The following NELL2 variants were observed in gnomAD, a reference collection of about 807,000 sequenced individuals.
NELL2 encodes the protein neural EGFL like 2, also known as protein kinase C-binding protein NELL2.
NELL2 carries 41 observed loss-of-function variants against 109.6 expected under a neutral mutation model. The ratio of observed to expected loss-of-function variants is 0.37; its 90% CI spans 0.29 to 0.49. The LOEUF (loss-of-function observed/expected upper bound fraction) is 0.49. Ranked by LOEUF, NELL2 falls within the 20% of genes least tolerant of loss-of-function variation. The probability of loss-of-function intolerance (pLI) is 0.98; values close to 1 mark genes in which losing one functional copy is unlikely to be tolerated. For missense variants in NELL2, 900 were observed against 1,008.3 expected (o/e 0.89, Z 1.45); for synonymous variants, 355 against 344.7 (o/e 1.03, Z -0.33).
chr12:44,603,006 A>C (rs1238944560), intron 15 of NELL2, among the ~76,000 whole-genome samples: 1 of 152,166 alleles, frequency 6.6e-6, no homozygotes, highest in East Asian at 1.9e-4. Context: ...ACCTCAATCC[A>C]TTTGAAGTTA....
Position 44,742,975 on chromosome 12 carries a change from G to A in NELL2, c.995-28234C>T, listed in dbSNP as rs369098024. On this transcript the variant is annotated intron_variant, in intron 9 of 19. Coordinates refer to ENST00000429094, the MANE Select transcript of NELL2 (RefSeq NM_001145108.2). ...ACGCCACAAAGATACTTCTTGAGAA[G>A]AGCAACACCAAGACACGTAATTGTC... 2.6e-5 allele frequency among the ~76,000 whole-genome samples: 4 copies of A among 152,214 alleles called. 1 individual carries two copies. Among genetic ancestry groups the A allele is most frequent in the African/African-American group, 9.6e-5 (4 of 41,538 alleles).
chr12:44,735,823 T>C (rs567081486), intron 9 of NELL2, among the ~76,000 whole-genome samples: 1 of 152,064 alleles, frequency 6.6e-6, no homozygotes, highest in Non-Finnish European at 1.5e-5. Flanking sequence ...TTCAGAAGAA[T>C]GTGGTTCAAA....
At chr12:44,515,008 T>C (rs1389385150) in intron 19 of NELL2, among the ~76,000 whole-genome samples, 1 of 150,866 alleles carries the variant, frequency 6.6e-6, no homozygotes, top group Non-Finnish European at 1.5e-5. Context: ...TAGTTTAAAA[T>C]CCAATAGAAC....
At chr12:44,777,877 T>C (rs1460660100) in intron 5 of NELL2, among the ~76,000 whole-genome samples, 1 of 152,208 alleles carries the variant, frequency 6.6e-6, no homozygotes, top group Non-Finnish European at 1.5e-5. Flanking sequence ...ACAGAAAGTT[T>C]AAAATGAAAA....
Position 44,607,356 on chromosome 12 carries a change from T to A in NELL2, c.1568-92A>T, listed in dbSNP as rs551613538. The A allele has an allele frequency of 3.2e-5, 28 of 875,794 alleles. No individual in the cohort carries two copies. The African/African-American group carries it at 3.8e-4, about 12-fold the overall frequency. 54.3% of individuals were successfully genotyped at this position (875,794 alleles called of 1,614,324 possible). On this transcript the variant is annotated intron_variant, in intron 14 of 19. Transcript: ENST00000429094. Reference sequence around the variant, plus strand: ...GCTTTTCATTATCCCCTTGGAGATGTAAACATCAAATTATAAAAGCTATTT... The same window carrying A: ...GCTTTTCATTATCCCCTTGGAGATGAAAACATCAAATTATAAAAGCTATTT...
intron 13 of NELL2, among the ~76,000 whole-genome samples, chr12:44,619,417 C>T (rs1945961001): frequency 6.6e-6 from 1 of 152,166 alleles, no homozygotes; most frequent in Non-Finnish European, 1.5e-5. Context: ...TTTAGGAAAA[C>T]TAATCTAACA....
At chr12:44,851,360 G>A (rs1415779127) in intron 2 of NELL2, among the ~76,000 whole-genome samples, 1 of 152,126 alleles carries the variant, frequency 6.6e-6, no homozygotes, top group African/African-American at 2.4e-5. Context: ...GAATTTAACA[G>A]TCATTTCTAT....
chr12:44,598,343 A>G (rs559284362), intron 15 of NELL2, among the ~76,000 whole-genome samples: 5 of 152,284 alleles, frequency 3.3e-5, no homozygotes, highest in African/African-American at 9.6e-5. Flanking sequence ...GAAGAAGTAC[A>G]GACTCTGGGA....
chr12:44,574,867 C>T (rs190085252), intron 15 of NELL2, among the ~76,000 whole-genome samples: 57 of 152,264 alleles, frequency 3.7e-4, no homozygotes, highest in African/African-American at 1.3e-3. Context: ...AAAATCACAA[C>T]CTCAAATGCA....
In NELL2 at chr12:44,891,010, G is replaced by A. The variant is rs79084667; in HGVS notation, c.39-15110C>T. Among the ~76,000 whole-genome samples, 955 of 152,252 alleles carry A rather than the reference G, an allele frequency of 6.3e-3. 12 individuals are homozygous for A. The highest frequency in any genetic ancestry group is 0.021 in the African/African-American group (883 of 41,542). ...ATCCCCAAGTTCTAGGACTACAGGC[G>A]TAAGCCACCGCACCCAGCAGGGTTC... is the stretch of plus-strand genomic sequence containing the variant. On this transcript the variant is annotated intron_variant, in intron 1 of 20. Coordinates refer to the NELL2 transcript ENST00000333837.
chr12:44,612,783 C>G (rs1230393574), intron 13 of NELL2, among the ~76,000 whole-genome samples: 2 of 152,032 alleles, frequency 1.3e-5, no homozygotes, highest in Admixed American at 6.6e-5. Context: ...TAAAACAGAG[C>G]TGCTGATTGA....
chr12:44,611,723 A>T (rs1399376780), intron 13 of NELL2, among the ~76,000 whole-genome samples: 1 of 152,042 alleles, frequency 6.6e-6, no homozygotes, highest in Non-Finnish European at 1.5e-5. Flanking sequence ...AAGGTGACTC[A>T]ACGGTGGCTC....
At chr12:44,907,568 G>A (rs1205137918) in intron 1 of NELL2, among the ~76,000 whole-genome samples, 1 of 152,042 alleles carries the variant, frequency 6.6e-6, no homozygotes, top group African/African-American at 2.4e-5. Flanking sequence ...TGAAATGGTT[G>A]AAGATAAAAT....
intron 15 of NELL2, among the ~76,000 whole-genome samples, chr12:44,535,335 A>T (rs947691002): frequency 2.7e-5 from 4 of 148,994 alleles, no homozygotes; most frequent in East Asian, 1.9e-4. Context: ...ATCATAAATT[A>T]AAAAAACTCT....
At chr12:44,646,986 T>C (rs78791702) in intron 13 of NELL2, among the ~76,000 whole-genome samples, 13 of 152,138 alleles carry the variant, frequency 8.5e-5, no homozygotes, top group African/African-American at 3.1e-4. Flanking sequence ...AAATAAAAAA[T>C]GCATATAAAG....
chr12:44,512,219 T>C (rs1941029947), intron 19 of NELL2, among the ~76,000 whole-genome samples: 1 of 152,078 alleles, frequency 6.6e-6, no homozygotes, highest in East Asian at 1.9e-4. Flanking sequence ...CCAACACATA[T>C]ATTAAAAATG....
chr12:44,751,382 C>G (rs1295359964), intron 9 of NELL2, among the ~76,000 whole-genome samples: 1 of 151,802 alleles, frequency 6.6e-6, no homozygotes, highest in African/African-American at 2.4e-5. Flanking sequence ...AGTATCTGAG[C>G]CTTTGATACA....
chr12:44,699,585 G>C (rs1028207509), intron 12 of NELL2, among the ~76,000 whole-genome samples: 16 of 152,070 alleles, frequency 1.1e-4, no homozygotes, highest in African/African-American at 3.9e-4. Context: ...CAAACACCTA[G>C]AAGAACTCTC....
chr12:44,763,485 G>GCAAA (rs752295389), intron 9 of NELL2, among the ~76,000 whole-genome samples: 25 of 152,054 alleles, frequency 1.6e-4, no homozygotes, highest in East Asian at 7.7e-4. Flanking sequence ...AATGATTTAG[G>GCAAA]CAAACAAACA....
Sources: allele counts gnomAD v4.1 joint callset (sites outside exome capture counted in the v4.1 genomes callset), GRCh38; gene constraint gnomAD v4.1.1; transcripts MANE v1.5; gene names NCBI Gene and HGNC (gene_info 2026-07-23, HGNC 2026-07-21).